NUFIP2: variants seen among roughly 807,000 people sequenced by gnomAD.
The protein encoded by NUFIP2 is FMR1-interacting protein NUFIP2.
A neutral mutation model predicts 56.9 loss-of-function variants in NUFIP2; 6 were observed. The ratio of observed to expected loss-of-function variants is 0.11; its 90% CI spans 0.06 to 0.21. The LOEUF (loss-of-function observed/expected upper bound fraction) is 0.21. NUFIP2 is among the 10% of genes least tolerant of loss of function. The probability of loss-of-function intolerance (pLI) is 1.00; values close to 1 mark genes in which losing one functional copy is unlikely to be tolerated. For synonymous variants in NUFIP2, 321 were observed against 298.2 expected, an observed-to-expected ratio of 1.08 and a Z score of -0.79; for missense variants, 828 against 826.8, an observed-to-expected ratio of 1.00 and a Z score of -0.02.
chr17:29,270,807 T>C lies in NUFIP2; in HGVS notation c.2003-3277A>G, dbSNP rs977434471. On this transcript the variant is annotated intron_variant, in intron 2 of 3. Transcript: ENST00000225388. ...ACATAGGGAGACCCTGTGTCTATTA[T>C]TAAAAAATAAATAAGAAAAAAGAAA... is the stretch of plus-strand genomic sequence containing the variant. Among the ~76,000 whole-genome samples, 13 of 151,998 alleles carry C rather than the reference T, an allele frequency of 8.6e-5. No homozygotes were observed. The East Asian group carries it at 2.5e-3, about 29-fold the overall frequency.
intron 2 of NUFIP2, among the ~76,000 whole-genome samples, chr17:29,276,683 A>C (rs1214764938): frequency 6.6e-6 from 1 of 152,160 alleles, no homozygotes; most frequent in Non-Finnish European, 1.5e-5. Flanking sequence ...TATTAGACCA[A>C]GTTTCTTAAT....
intron 2 of NUFIP2, among the ~76,000 whole-genome samples, chr17:29,280,052 A>AG (rs2069131213): frequency 6.6e-6 from 1 of 152,148 alleles, no homozygotes; most frequent in South Asian, 2.1e-4. Flanking sequence ...TCCTGACCTC[A>AG]GGTGATCCAC....
intron 2 of NUFIP2, among the ~76,000 whole-genome samples, chr17:29,280,939 C>T (rs141449666): frequency 1.3e-4 from 19 of 147,744 alleles, no homozygotes; most frequent in Non-Finnish European, 2.5e-4. Flanking sequence ...GAGCCAAGAT[C>T]GCACCATTGT....
At chr17:29,279,155 T>G (rs1331793761) in intron 2 of NUFIP2, among the ~76,000 whole-genome samples, 1 of 152,176 alleles carries the variant, frequency 6.6e-6, no homozygotes, top group Admixed American at 6.5e-5. Flanking sequence ...TGAAAATACT[T>G]ATTCACATTG....
intron 1 of NUFIP2, 88 bp from the exon 2 acceptor site, chr17:29,287,804 T>C: frequency 2.5e-6 from 3 of 1,217,450 alleles, no homozygotes; most frequent in Middle Eastern, 5.5e-4. Context: ...ATTTACTGTA[T>C]GCTAGACACT....
At position 29,293,953 on chromosome 17, in the gene NUFIP2, T is replaced by C. The variant is rs1386528576; in HGVS notation, c.107A>G (p.Tyr36Cys). 4 of 1,613,154 alleles carry C rather than the reference T, an allele frequency of 2.5e-6. No individual in the cohort carries two copies. The highest frequency in any genetic ancestry group is 3.4e-6 in the Non-Finnish European group (4 of 1,179,418). ...GTTGTGGCTGTGGTTGTAGAAATAA[T>C]AATGGTGGTGGTGGTGCGGCTGCTG... is the stretch of plus-strand genomic sequence containing the variant. The part of the protein sequence containing the change: ...QQQQPHHHHH[Y>C]YFYNHSHNHH... Residue 36 changes from tyrosine to cysteine, a missense_variant, in exon 1 of 4, where the codon TAT (tyrosine) becomes TGT (cysteine). Physicochemically the swap from Tyr to Cys is radical, Grantham distance 194. Transcript: ENST00000225388.
At chr17:29,275,035 T>G (rs1378553795) in intron 2 of NUFIP2, among the ~76,000 whole-genome samples, 1 of 147,748 alleles carries the variant, frequency 6.8e-6, no homozygotes, top group Non-Finnish European at 1.5e-5. Flanking sequence ...TTTTTTTTTG[T>G]TTTTTTGAGA....
At chr17:29,268,787 C>A (rs1480718145) in intron 2 of NUFIP2, among the ~76,000 whole-genome samples, 2 of 152,006 alleles carry the variant, frequency 1.3e-5, no homozygotes, top group Non-Finnish European at 1.5e-5. Flanking sequence ...CCTCAGCCCC[C>A]CAAAGTGCTG....
chr17:29,277,804 G>C (rs1345732175), intron 2 of NUFIP2, among the ~76,000 whole-genome samples: 1 of 152,120 alleles, frequency 6.6e-6, no homozygotes, highest in East Asian at 1.9e-4. Flanking sequence ...CCTGAGGTCA[G>C]GAGTTTGAGA....
chr17:29,291,043 A>AG, intron 1 of NUFIP2, among the ~76,000 whole-genome samples: 1 of 149,248 alleles, frequency 6.7e-6, no homozygotes, highest in East Asian at 2.1e-4. Flanking sequence ...AACAAAAAAA[A>AG]AAAAAAAAAA....
intron 2 of NUFIP2, among the ~76,000 whole-genome samples, chr17:29,269,351 C>T (rs867718340): frequency 4.6e-5 from 7 of 152,076 alleles, no homozygotes; most frequent in Non-Finnish European, 8.8e-5. Flanking sequence ...ACAGTTAAGG[C>T]ACAACATAAT....
intron 2 of NUFIP2, among the ~76,000 whole-genome samples, chr17:29,277,546 T>C (rs1268351749): frequency 6.6e-6 from 1 of 152,198 alleles, no homozygotes; most frequent in Non-Finnish European, 1.5e-5. Flanking sequence ...TTCCCCCTCC[T>C]AATTCAGATT....
chr17:29,287,848 T>C, intron 1 of NUFIP2, 132 bp from the exon 2 acceptor site: 1 of 929,916 alleles, frequency 1.1e-6, no homozygotes, highest in East Asian at 2.7e-5. Flanking sequence ...TTATTTCACA[T>C]CTCTATGAGA....
At chr17:29,285,763 T>A (rs1489926869) in intron 2 of NUFIP2, among the ~76,000 whole-genome samples, 2 of 152,172 alleles carry the variant, frequency 1.3e-5, no homozygotes, top group African/African-American at 4.8e-5. Flanking sequence ...GTCAATTATG[T>A]TTGTATTTTT....
Position 29,286,721 on chromosome 17 carries a change from C to T in NUFIP2, c.1273G>A (p.Gly425Arg), listed in dbSNP as rs774585008. 7 of 1,614,080 alleles carry T rather than the reference C, an allele frequency of 4.3e-6. No homozygotes were observed. The South Asian group carries it at 7.7e-5, about 18-fold the overall frequency. Reference protein sequence around the residue: ...SNGPVLAGTDGNVYPPGGQPL... With the variant: ...SNGPVLAGTDRNVYPPGGQPL... ...TGACCCCCTGGAGGATAAACATTTC[C>T]ATCAGTCCCTGCTAAAACAGGCCCA... The change falls in exon 2 of 4, where the codon GGA (glycine) becomes AGA (arginine). Residue 425 changes from glycine to arginine, a missense_variant. This residue lies in a region of NUFIP2 where 404 missense variants were observed against 380.3 expected (regional missense o/e 1.06). Coordinates refer to ENST00000225388, the MANE Select transcript of NUFIP2 (RefSeq NM_020772.3).
intron 2 of NUFIP2, among the ~76,000 whole-genome samples, chr17:29,268,181 G>A (rs2069050103): frequency 1.3e-5 from 2 of 152,192 alleles, no homozygotes; most frequent in Admixed American, 6.5e-5. Flanking sequence ...TCACAGGCGC[G>A]AGCCACTGTG....
intron 1 of NUFIP2, among the ~76,000 whole-genome samples, chr17:29,289,278 T>C (rs146223624): frequency 2.8e-3 from 424 of 152,318 alleles, no homozygotes; most frequent in Non-Finnish European, 5.0e-3. Context: ...CATAAAAGCA[T>C]CTTGAGGTCA....
rs2068981896 is a variant in NUFIP2, at chr17:29,258,289, C to T, written c.*6250G>A. On this transcript the variant is annotated 3_prime_UTR_variant, in exon 4 of 4. Coordinates refer to ENST00000225388, the MANE Select transcript of NUFIP2 (RefSeq NM_020772.3). ...AATCACCTTCAAGTTTGGGTATGTG[C>T]TTGAGAAATGACTTTTCTTCTTGTC... The T allele has an allele frequency of 6.6e-6, 1 of 152,168 alleles. No individual in the cohort carries two copies. Among genetic ancestry groups the T allele is most frequent in the African/African-American group, 2.4e-5 (1 of 41,434 alleles). The allele number at this position is 152,168 out of a possible 1,614,324, so 9.4% of individuals were successfully genotyped here. A position where few individuals can be genotyped will look rare whatever the true frequency, so the allele number is the denominator to read the frequency against.
chr17:29,259,167 G>A lies in NUFIP2; in HGVS notation c.*5372C>T, dbSNP rs1260664842. 1 of 152,172 alleles carries A rather than the reference G, an allele frequency of 6.6e-6. No homozygotes were observed. The highest frequency in any genetic ancestry group is 1.5e-5 in the Non-Finnish European group (1 of 68,022). 9.4% of individuals were successfully genotyped at this position (152,172 alleles called of 1,614,324 possible). A position where few individuals can be genotyped will look rare whatever the true frequency, so the allele number is the denominator to read the frequency against. ...CTGAGGAAAAAAGGGTACATGGAAA[G>A]CTATGTAATTTGCCCTCAAGTTAAT... On this transcript the variant is annotated 3_prime_UTR_variant, in exon 4 of 4. Coordinates refer to ENST00000225388, the MANE Select transcript of NUFIP2 (RefSeq NM_020772.3).
Sources: allele counts gnomAD v4.1 joint callset (sites outside exome capture counted in the v4.1 genomes callset), GRCh38; gene constraint gnomAD v4.1.1; regional missense constraint gnomAD v4.1.1; transcripts MANE v1.5; gene names NCBI Gene and HGNC (gene_info 2026-07-23, HGNC 2026-07-21).